The following PIBF1 variants were observed in gnomAD, a reference collection of about 807,000 sequenced individuals.
PIBF1 encodes the protein progesterone-induced-blocking factor 1.
In PIBF1, 90 loss-of-function variants were observed where a neutral mutation model predicts 112.5. The ratio of observed to expected loss-of-function variants is 0.80; its 90% CI spans 0.67 to 0.95. The LOEUF (loss-of-function observed/expected upper bound fraction) is 0.95. PIBF1 is among the 40% of genes least tolerant of loss of function. The pLI is 0.00. For synonymous variants in PIBF1, 301 were observed against 288.6 expected (o/e 1.04, Z -0.44); for missense variants, 915 against 852.3 (o/e 1.07, Z -0.92).
chr13:72,996,321 A>C (rs2043670438), intron 16 of PIBF1, among the ~76,000 whole-genome samples: 1 of 152,114 alleles, frequency 6.6e-6, no homozygotes, highest in African/African-American at 2.4e-5. Context: ...CAAAATAAAC[A>C]TACACAAACC....
chr13:72,839,197 G>A (rs959532083), intron 9 of PIBF1, among the ~76,000 whole-genome samples: 3 of 152,184 alleles, frequency 2.0e-5, no homozygotes, highest in African/African-American at 7.2e-5. Flanking sequence ...AGGTGATAAT[G>A]GAACTGGATT....
chr13:72,849,782 G>C (rs562788159), intron 9 of PIBF1, among the ~76,000 whole-genome samples: 10 of 152,164 alleles, frequency 6.6e-5, no homozygotes, highest in Non-Finnish European at 5.9e-5. Context: ...GAGCCAAATT[G>C]TTTGGGTGCA....
chr13:72,931,922 TTTTC>T (rs1437869368), intron 14 of PIBF1, among the ~76,000 whole-genome samples: 1 of 143,190 alleles, frequency 7.0e-6, no homozygotes, highest in Non-Finnish European at 1.5e-5. Context: ...TTTTCCGTTT[TTTTC>T]TTTGTTTCTT....
At chr13:72,796,173 G>A (rs1317991033) in intron 4 of PIBF1, among the ~76,000 whole-genome samples, 1 of 152,118 alleles carries the variant, frequency 6.6e-6, no homozygotes, top group Non-Finnish European at 1.5e-5. Context: ...TTGGCCTTAA[G>A]AGTGATAATG....
intron 10 of PIBF1, 49 bp downstream of exon 10, chr13:72,854,204 T>C: frequency 8.6e-7 from 1 of 1,159,744 alleles, no homozygotes; most frequent in South Asian, 1.3e-5. Flanking sequence ...TTATTGTTTC[T>C]GTTACATATT....
At chr13:72,906,863 C>T (rs933400939) in intron 11 of PIBF1, among the ~76,000 whole-genome samples, 21 of 152,108 alleles carry the variant, frequency 1.4e-4, no homozygotes, top group Admixed American at 1.4e-3. Flanking sequence ...TGGGAATAGT[C>T]ATTTAACACT....
chr13:72,949,748 A>G (rs957101864), intron 14 of PIBF1, among the ~76,000 whole-genome samples: 4 of 152,210 alleles, frequency 2.6e-5, no homozygotes, highest in Non-Finnish European at 4.4e-5. Flanking sequence ...TACTATGTAC[A>G]GTACATTCTA....
At chr13:72,801,297 C>G (rs1376391321) in intron 5 of PIBF1, among the ~76,000 whole-genome samples, 1 of 150,340 alleles carries the variant, frequency 6.7e-6, no homozygotes, top group Non-Finnish European at 1.5e-5. Context: ...TTTTTTTTTT[C>G]AGTAGATATA....
intron 9 of PIBF1, among the ~76,000 whole-genome samples, chr13:72,849,557 T>G (rs1264979179): frequency 6.6e-6 from 1 of 152,258 alleles, no homozygotes; most frequent in Non-Finnish European, 1.5e-5. Flanking sequence ...ACAGTTTATT[T>G]TTGAAAGAGC....
At chr13:72,857,387 A>T (rs963574009) in intron 10 of PIBF1, among the ~76,000 whole-genome samples, 1 of 152,256 alleles carries the variant, frequency 6.6e-6, no homozygotes, top group Admixed American at 6.5e-5. Flanking sequence ...GATTCCCTAC[A>T]AATGAAAAAT....
chr13:72,944,457 A>AG lies in PIBF1; in HGVS notation c.1833+13190_1833+13191insG, dbSNP rs981144539. 5.9e-5 allele frequency among the ~76,000 whole-genome samples: 9 copies of AG among 151,758 alleles called. No individual in the cohort carries two copies. In the East Asian group the frequency reaches 7.7e-4, roughly 13 times the overall value. ...AGAGCAAGACTGTCTAAAAAAAAAA[A>AG]AAGAAGAAAAAGAAGTATTCAGAAT... On this transcript the variant is annotated intron_variant, in intron 14 of 17. Transcript: ENST00000326291.
intron 9 of PIBF1, among the ~76,000 whole-genome samples, chr13:72,839,281 A>G (rs751268932): frequency 1.2e-4 from 19 of 152,224 alleles, no homozygotes; most frequent in Non-Finnish European, 2.2e-4. Context: ...GGACTCAGTG[A>G]CTAGATTGGA....
chr13:72,808,456 A>T (rs567742541), intron 5 of PIBF1, among the ~76,000 whole-genome samples: 1 of 152,058 alleles, frequency 6.6e-6, no homozygotes, highest in African/African-American at 2.4e-5. Context: ...AGATGAGAAC[A>T]TTGTGAGTAT....
At chr13:73,007,533 G>A (rs1032058111) in intron 17 of PIBF1, among the ~76,000 whole-genome samples, 1 of 152,170 alleles carries the variant, frequency 6.6e-6, no homozygotes, top group Non-Finnish European at 1.5e-5. Context: ...AACTAGGCCA[G>A]GCGCAGTGGC....
At chr13:73,002,510 C>A (rs575035662) in intron 17 of PIBF1, among the ~76,000 whole-genome samples, 10 of 152,288 alleles carry the variant, frequency 6.6e-5, no homozygotes, top group African/African-American at 2.4e-4. Context: ...GAACAACTTT[C>A]CTCTTTCCTT....
intron 14 of PIBF1, among the ~76,000 whole-genome samples, chr13:72,945,229 C>T (rs1216885060): frequency 6.6e-6 from 1 of 152,142 alleles, no homozygotes; most frequent in Non-Finnish European, 1.5e-5. Context: ...CAATTTCATT[C>T]TTTTTTATTG....
In PIBF1 at chr13:72,965,255, G is replaced by T; in HGVS notation, c.1834-19G>T. On this transcript the variant is annotated intron_variant, in intron 14 of 17. Transcript: ENST00000326291. The stretch of plus-strand genomic sequence containing the variant: ...GTTGTCACATTTTCTAGATTTTAAT[G>T]AAACCTGTGTTTCTTTAGCTTGACA... 1 of 1,601,608 alleles carries T rather than the reference G, an allele frequency of 6.2e-7. No homozygotes were observed.
chr13:72,940,238 GCTT>G (rs1162764044), intron 14 of PIBF1, among the ~76,000 whole-genome samples: 1 of 151,604 alleles, frequency 6.6e-6, no homozygotes, highest in East Asian at 1.9e-4. Flanking sequence ...CTTTTGAATA[GCTT>G]CTTTTACTGT....
chr13:72,851,889 C>T (rs2182123), intron 9 of PIBF1, among the ~76,000 whole-genome samples: 40,370 of 152,052 alleles, frequency 0.27, 6,655 homozygotes, highest in East Asian at 0.47. Flanking sequence ...GATGTAGAGA[C>T]AACCTGCCTG....
Sources: allele counts gnomAD v4.1 joint callset (sites outside exome capture counted in the v4.1 genomes callset), GRCh38; gene constraint gnomAD v4.1.1; transcripts MANE v1.5; gene names NCBI Gene and HGNC (gene_info 2026-07-23, HGNC 2026-07-21).